The following ZNF385D variants were observed in gnomAD, a reference collection of about 807,000 sequenced individuals.
ZNF385D encodes the protein zinc finger protein 659.
ZNF385D carries 15 observed loss-of-function variants against 35.8 expected under a neutral mutation model. That is an observed-to-expected ratio of 0.42 (90% CI 0.28 to 0.64). The LOEUF (loss-of-function observed/expected upper bound fraction) is 0.64. Ranked by LOEUF, ZNF385D falls within the 30% of genes least tolerant of loss-of-function variation. The pLI, the probability that ZNF385D is intolerant of heterozygous loss-of-function variation, is 0.23. For synonymous variants in ZNF385D, 212 were observed against 186.8 expected (o/e 1.13, Z -1.10); for missense variants, 474 against 494.6 (o/e 0.96, Z 0.39).
intron 2 of ZNF385D, among the ~76,000 whole-genome samples, chr3:22,233,017 C>T (rs1208515467): frequency 1.3e-5 from 2 of 151,984 alleles, no homozygotes; most frequent in African/African-American, 2.4e-5. Context: ...CCTATTTGTA[C>T]TTCTATTTAA....
At chr3:21,864,990 C>T (rs1212142478) in intron 3 of ZNF385D, among the ~76,000 whole-genome samples, 11 of 112,176 alleles carry the variant, frequency 9.8e-5, no homozygotes, top group African/African-American at 3.2e-4. Context: ...TGGAACAATG[C>T]TTTTTTTTTT....
At chr3:21,880,267 G>A (rs73820169) in intron 3 of ZNF385D, among the ~76,000 whole-genome samples, 171 of 152,064 alleles carry the variant, frequency 1.1e-3, no homozygotes, top group African/African-American at 3.7e-3. Flanking sequence ...GCTTTACTGT[G>A]TTTCACAGAT....
intron 2 of ZNF385D, among the ~76,000 whole-genome samples, chr3:21,662,927 C>A (rs1427793460): frequency 6.6e-6 from 1 of 152,148 alleles, no homozygotes; most frequent in African/African-American, 2.4e-5. Flanking sequence ...AAACGATTAA[C>A]CCACACAACC....
intron 1 of ZNF385D, among the ~76,000 whole-genome samples, chr3:21,706,714 A>G (rs1427413841): frequency 6.6e-6 from 1 of 152,150 alleles, no homozygotes; most frequent in Non-Finnish European, 1.5e-5. Context: ...CTTTGCATGC[A>G]CCATGTACAT....
intron 1 of ZNF385D, among the ~76,000 whole-genome samples, chr3:21,702,893 A>C (rs995477961): frequency 2.0e-5 from 3 of 152,182 alleles, no homozygotes; most frequent in Non-Finnish European, 4.4e-5. Context: ...CTTATTGTTC[A>C]TATCACTATA....
chr3:22,287,219 G>C (rs181924828), intron 2 of ZNF385D, among the ~76,000 whole-genome samples: 1 of 151,866 alleles, frequency 6.6e-6, no homozygotes. Flanking sequence ...CCATTGCATA[G>C]GATATATTTT....
At chr3:21,952,527 T>C (rs955027773) in intron 3 of ZNF385D, among the ~76,000 whole-genome samples, 7 of 152,012 alleles carry the variant, frequency 4.6e-5, no homozygotes, top group African/African-American at 1.7e-4. Flanking sequence ...TAAGTCCTGA[T>C]GTCATTACTT....
intron 3 of ZNF385D, among the ~76,000 whole-genome samples, chr3:22,002,037 A>G (rs1316120164): frequency 6.6e-6 from 1 of 152,036 alleles, no homozygotes; most frequent in Non-Finnish European, 1.5e-5. Context: ...AAGGTACTAG[A>G]AAAACAAGAG....
At chr3:21,869,991 T>C (rs1170087948) in intron 3 of ZNF385D, among the ~76,000 whole-genome samples, 1 of 152,182 alleles carries the variant, frequency 6.6e-6, no homozygotes, top group African/African-American at 2.4e-5. Context: ...TATATTTTTA[T>C]ATCCCACTGT....
At chr3:22,253,898 G>A (rs1033932556) in intron 2 of ZNF385D, among the ~76,000 whole-genome samples, 4 of 151,904 alleles carry the variant, frequency 2.6e-5, no homozygotes, top group African/African-American at 9.7e-5. Context: ...TATTCAATCT[G>A]TGCTGTGTTG....
intron 3 of ZNF385D, chr3:21,511,751 G>T (rs1385361319): frequency 4.4e-6 from 2 of 456,348 alleles, no homozygotes; most frequent in South Asian, 3.1e-5. Context: ...TCTTTTGCTT[G>T]TGCCATCTGA....
At chr3:22,254,484 TA>T (rs976532007) in intron 2 of ZNF385D, among the ~76,000 whole-genome samples, 5 of 151,918 alleles carry the variant, frequency 3.3e-5, no homozygotes, top group Non-Finnish European at 7.4e-5. Context: ...ATATCAGTGT[TA>T]TTTTTCTATT....
In ZNF385D at chr3:22,045,117, A is replaced by G. The variant is rs184470111; in HGVS notation, c.325+123700T>C. 9.8e-4 allele frequency among the ~76,000 whole-genome samples: 149 copies of G among 152,134 alleles called. 2 individuals are homozygous for G. Among genetic ancestry groups the G allele is most frequent in the Admixed American group, 9.7e-3 (148 of 15,266 alleles). ...TCGGATCCCTATTGCTTTTGGAAAA[A>G]AAGCCTATTTTTCCTTTTGTTCCCT... On this transcript the variant is annotated intron_variant, in intron 3 of 5. Transcript: ENST00000494108.
intron 3 of ZNF385D, among the ~76,000 whole-genome samples, chr3:21,950,167 C>A (rs561515342): frequency 1.5e-4 from 23 of 151,862 alleles, no homozygotes; most frequent in Non-Finnish European, 3.2e-4. Context: ...ATTTACACTC[C>A]CACCAACAGT....
At chr3:22,307,023 T>C (rs1450991990) in intron 2 of ZNF385D, among the ~76,000 whole-genome samples, 1 of 152,160 alleles carries the variant, frequency 6.6e-6, no homozygotes, top group Non-Finnish European at 1.5e-5. Flanking sequence ...GATGGCTCTG[T>C]AGAGGGGATT....
chr3:21,547,140 TTG>T (rs2062401899), intron 3 of ZNF385D, among the ~76,000 whole-genome samples: 2 of 152,138 alleles, frequency 1.3e-5, no homozygotes, highest in African/African-American at 4.8e-5. Context: ...TGATATGTAA[TTG>T]TGTCTCTGTA....
In ZNF385D at chr3:21,854,453, G is replaced by A. The variant is rs528672880; in HGVS notation, c.326-189425C>T. 3.4e-4 allele frequency among the ~76,000 whole-genome samples: 51 copies of A among 151,968 alleles called. 1 individual carries two copies. The highest frequency in any genetic ancestry group is 1.0e-4 in the Non-Finnish European group (7 of 67,868). On this transcript the variant is annotated intron_variant, in intron 3 of 5. Coordinates refer to the ZNF385D transcript ENST00000494108. ...ATTCTTTGCCGGATTAGCTTCATGG[G>A]CACGCAACCTTGGCAATAATATAGG...
intron 3 of ZNF385D, among the ~76,000 whole-genome samples, chr3:22,159,161 A>G (rs937790343): frequency 1.3e-5 from 2 of 152,050 alleles, no homozygotes; most frequent in Admixed American, 6.6e-5. Context: ...CTCTCATTTC[A>G]TACTACCAGT....
chr3:21,819,720 A>G (rs1016067540), intron 3 of ZNF385D, among the ~76,000 whole-genome samples: 3 of 146,404 alleles, frequency 2.0e-5, no homozygotes, highest in Non-Finnish European at 3.0e-5. Flanking sequence ...GTATATATAT[A>G]CACATGTACG....
Sources: gnomAD v4.1 joint callset for allele counts (sites outside exome capture counted in the v4.1 genomes callset) on GRCh38, gnomAD v4.1.1 for gene constraint, MANE v1.5 for transcripts, NCBI Gene and HGNC (gene_info 2026-07-23, HGNC 2026-07-21) for gene names.